MYO18A: variants seen among roughly 807,000 people sequenced by gnomAD.
MYO18A encodes unconventional myosin-XVIIIa.
A neutral mutation model predicts 235.8 loss-of-function variants in MYO18A; 78 were observed. That is an observed-to-expected ratio of 0.33 (90% CI 0.28 to 0.40). The LOEUF (loss-of-function observed/expected upper bound fraction) is 0.40, where lower values mean the gene tolerates loss of function less well. Among genes scored for constraint, MYO18A ranks in the 10% least tolerant of loss-of-function variants. The pLI is 1.00. For synonymous variants in MYO18A, 977 were observed against 1,077.8 expected, an observed-to-expected ratio of 0.91 and a Z score of 1.83; for missense variants, 2,215 against 2,699.3, an observed-to-expected ratio of 0.82 and a Z score of 3.98.
intron 12 of MYO18A, 34 bp downstream of exon 12, chr17:29,115,630 C>T (rs893761500): frequency 1.3e-5 from 20 of 1,558,060 alleles, no homozygotes; most frequent in Admixed American, 1.1e-4. Flanking sequence ...TGAGGCCTCA[C>T]ACTCACAACT....
chr17:29,113,755 TG>T (rs1240885322), intron 15 of MYO18A, among the ~76,000 whole-genome samples: 1 of 152,190 alleles, frequency 6.6e-6, no homozygotes, highest in African/African-American at 2.4e-5. Flanking sequence ...CCTGCCTGAC[TG>T]GGACCCCCAT....
chr17:29,071,567 A>C lies in MYO18A; in HGVS notation c.*3203T>G, dbSNP rs896769299. 1 of 152,138 alleles carries C rather than the reference A, an allele frequency of 6.6e-6. No homozygotes were observed. The highest frequency in any genetic ancestry group is 1.5e-5 in the Non-Finnish European group (1 of 68,030). 9.4% of individuals were successfully genotyped at this position (152,138 alleles called of 1,614,324 possible). On this transcript the variant is annotated 3_prime_UTR_variant, in exon 42 of 42. Transcript: ENST00000527372. ...CTTTACTTAAACTCTTCTTCTTCTC[A>C]ATATGCCTTTCCCAGCAACTGTACC...
chr17:29,161,091 A>T (rs1235777751), intron 2 of MYO18A, among the ~76,000 whole-genome samples: 1 of 152,166 alleles, frequency 6.6e-6, no homozygotes, highest in Non-Finnish European at 1.5e-5. Context: ...TTGGTGGCTC[A>T]CGCCTATAAT....
chr17:29,152,924 A>G (rs1020230116), intron 2 of MYO18A, among the ~76,000 whole-genome samples: 15 of 152,032 alleles, frequency 9.9e-5, no homozygotes, highest in African/African-American at 3.6e-4. Context: ...TATCTTTCGC[A>G]GGCTGGTCTT....
chr17:29,140,441 C>A lies in MYO18A; in HGVS notation c.1000-18188G>T, dbSNP rs1380164625. Reference sequence around the variant, plus strand: ...AAATAGCACAGGCTGTGGCCCCGCCCAGTTCCCGCCCTCTCCCCGGCCCCT... The same window carrying A: ...AAATAGCACAGGCTGTGGCCCCGCCAAGTTCCCGCCCTCTCCCCGGCCCCT... On this transcript the variant is annotated intron_variant, in intron 2 of 41. Transcript: ENST00000527372. The surrounding 1 kb of genome is among the most constrained non-coding windows in gnomAD (Gnocchi z 4.2). 4 of 1,247,942 alleles carry A rather than the reference C, an allele frequency of 3.2e-6. No homozygotes were observed. The highest frequency in any genetic ancestry group is 2.7e-5 in the South Asian group (2 of 74,968). The allele number at this position is 1,247,942 out of a possible 1,614,324, so 77.3% of individuals were successfully genotyped here.
rs2065929917 is a variant in MYO18A, at chr17:29,074,515, A to G, written c.*255T>C. 5.1e-6 allele frequency: 3 copies of G among 585,726 alleles called. No homozygotes were observed. Among genetic ancestry groups the G allele is most frequent in the South Asian group, 2.3e-5 (1 of 43,146 alleles). 36.3% of individuals were successfully genotyped at this position (585,726 alleles called of 1,614,324 possible). ...GCCACTGCCCACGGTGACACAGGGT[A>G]GAAGCCAAGAGTCTGGCATTTTGAG... On this transcript the variant is annotated 3_prime_UTR_variant, in exon 42 of 42. Transcript: ENST00000527372. This position sits in a 1 kb window ranked among gnomAD's most constrained non-coding sequence, Gnocchi z 4.4.
chr17:29,083,080 C>CG (rs1209884942), intron 40 of MYO18A, among the ~76,000 whole-genome samples: 1 of 113,048 alleles, frequency 8.8e-6, no homozygotes, highest in Non-Finnish European at 1.7e-5. Context: ...GGAAAAGGGG[C>CG]GGGGGGCGGG....
At chr17:29,139,108 C>T (rs937751503) in intron 2 of MYO18A, among the ~76,000 whole-genome samples, 4 of 152,184 alleles carry the variant, frequency 2.6e-5, no homozygotes, top group African/African-American at 4.8e-5. Context: ...AGCCCCAGGG[C>T]GGAACAGAAA....
Position 29,115,677 on chromosome 17 carries a change from C to T in MYO18A, c.2214G>A (p.Leu738=), listed in dbSNP as rs765288259. ...GACAAAGGGTACCTGTCCCATCTCC[C>T]AGGCCACTCTCCTCGGGGCCCTGGC... is the stretch of plus-strand genomic sequence containing the variant. The part of the protein sequence containing the change: ...SFRQGPEESG[L]GDGTGPKLSA... Residue 738 remains leucine (L), a synonymous_variant, in exon 12 of 42, where the codon CTG becomes CTA. Coordinates refer to ENST00000527372, the MANE Select transcript of MYO18A (RefSeq NM_078471.4). 10 of 1,602,802 alleles carry T rather than the reference C, an allele frequency of 6.2e-6. No homozygotes were observed. Among genetic ancestry groups the T allele is most frequent in the Non-Finnish European group, 7.7e-6 (9 of 1,175,578 alleles).
intron 28 of MYO18A, among the ~76,000 whole-genome samples, chr17:29,095,921 C>G (rs1167261379): frequency 6.6e-6 from 1 of 152,000 alleles, no homozygotes; most frequent in Non-Finnish European, 1.5e-5. Flanking sequence ...AGGGTGCCAG[C>G]CTTTGGGTAA....
Position 29,126,004 on chromosome 17 carries a change from T to C in MYO18A, c.1000-3751A>G, listed in dbSNP as rs767791923. 1 of 976,584 alleles carries C rather than the reference T, an allele frequency of 1.0e-6. No individual in the cohort carries two copies. The highest frequency in any genetic ancestry group is 1.2e-6 in the Non-Finnish European group (1 of 821,660). The allele number at this position is 976,584 out of a possible 1,614,324, so 60.5% of individuals were successfully genotyped here. ...ACCACTATTAGTCCCAGCCCAGAAA[T>C]GGAGAGGCCACAGCATGCGGAGCTC... On this transcript the variant is annotated intron_variant, in intron 2 of 41. Transcript: ENST00000527372. This position sits in a 1 kb window ranked among gnomAD's most constrained non-coding sequence, Gnocchi z 4.1.
At chr17:29,139,272 C>T (rs1433130085) in intron 2 of MYO18A, among the ~76,000 whole-genome samples, 1 of 152,216 alleles carries the variant, frequency 6.6e-6, no homozygotes, top group Non-Finnish European at 1.5e-5. Context: ...ATGCTCACTG[C>T]CCCTCTGGAG....
intron 20 of MYO18A, among the ~76,000 whole-genome samples, chr17:29,104,124 G>A (rs1020618861): frequency 3.9e-5 from 6 of 152,212 alleles, no homozygotes; most frequent in Admixed American, 3.9e-4. Context: ...TAGAGAGGGG[G>A]CTGAAGCCAA....
chr17:29,116,234 A>C (rs12945223), intron 11 of MYO18A, among the ~76,000 whole-genome samples: 1 of 152,180 alleles, frequency 6.6e-6, no homozygotes, highest in Admixed American at 6.5e-5. Context: ...GAGATCGCTC[A>C]TGCCTCCACA....
chr17:29,174,426 G>A (rs1387369006), intron 1 of MYO18A, among the ~76,000 whole-genome samples: 1 of 152,138 alleles, frequency 6.6e-6, no homozygotes, highest in Non-Finnish European at 1.5e-5. Context: ...AGGATCACTT[G>A]AGCCTAGAAG....
intron 1 of MYO18A, among the ~76,000 whole-genome samples, chr17:29,171,518 T>C (rs1049004668): frequency 6.6e-6 from 1 of 152,132 alleles, no homozygotes; most frequent in African/African-American, 2.4e-5. Flanking sequence ...TATTGAACTC[T>C]AGTGAATGAT....
intron 15 of MYO18A, among the ~76,000 whole-genome samples, chr17:29,112,082 G>A (rs2066943918): frequency 6.6e-6 from 1 of 152,210 alleles, no homozygotes; most frequent in African/African-American, 2.4e-5. Context: ...GAAGCCCACA[G>A]CAAAAGAGGG....
In MYO18A at chr17:29,090,900, C is replaced by G; in HGVS notation, c.5214G>C (p.Gln1738His). Residue 1738 changes from glutamine (Q) to histidine (H), a missense_variant, in exon 35 of 42, where the codon CAG becomes CAC. Coordinates refer to ENST00000527372, the MANE Select transcript of MYO18A (RefSeq NM_078471.4). Reference sequence around the variant, plus strand: ...GGTTCTGGATCTCATTCTTCTCACGCTGAAGGCGGCTCAGCTGCTCCTCCA... The same window carrying G: ...GGTTCTGGATCTCATTCTTCTCACGGTGAAGGCGGCTCAGCTGCTCCTCCA... ...TALEEQLSRLQREKNEIQNRL... is the reference protein window; with the variant it reads ...TALEEQLSRLHREKNEIQNRL... 1 of 1,614,032 alleles carries G rather than the reference C, an allele frequency of 6.2e-7. No homozygotes were observed. The highest frequency in any genetic ancestry group is 8.5e-7 in the Non-Finnish European group (1 of 1,179,906).
Position 29,115,093 on chromosome 17 carries a change from G to A in MYO18A, c.2325C>T (p.Leu775=). ...TLLVSLVNRA[L]KSSQHSLCSM... ...AGCAGAGTGAGTGCTGGCTGGACTT[G>A]AGAGCCCTGGATAGGGACAGCCTGG... is the stretch of plus-strand genomic sequence containing the variant. The change falls in exon 14 of 42, where the codon CTC becomes CTT. Residue 775 remains leucine (L), a synonymous_variant. Transcript: ENST00000527372. The A allele has an allele frequency of 6.2e-7, 1 of 1,612,520 alleles. No homozygotes were observed. Among genetic ancestry groups the A allele is most frequent in the Non-Finnish European group, 8.5e-7 (1 of 1,179,158 alleles).
Sources: allele counts gnomAD v4.1 joint callset (sites outside exome capture counted in the v4.1 genomes callset), GRCh38; gene constraint gnomAD v4.1.1; non-coding constraint Gnocchi (gnomAD v3.1); transcripts MANE v1.5; gene names NCBI Gene and HGNC (gene_info 2026-07-23, HGNC 2026-07-21).